The following EBNA1BP2 variants were observed in gnomAD, a reference collection of about 807,000 sequenced individuals.
The protein encoded by EBNA1BP2 is EBNA1 binding protein 2, also known as probable rRNA-processing protein EBP2.
Under a neutral mutation model 43.5 loss-of-function variants are expected in EBNA1BP2, and 36 were observed. That is an observed-to-expected ratio of 0.83 (90% confidence interval 0.63 to 1.09). The LOEUF (loss-of-function observed/expected upper bound fraction) is 1.09. Among genes scored for constraint, EBNA1BP2 ranks in the 50% least tolerant of loss-of-function variants. The pLI is 0.00. For synonymous variants in EBNA1BP2, 127 were observed against 141.3 expected, an observed-to-expected ratio of 0.90 and a Z score of 0.72; for missense variants, 332 against 379.1, an observed-to-expected ratio of 0.88 and a Z score of 1.03.
chr1:43,164,550 G>A, intron 8 of EBNA1BP2, 57 bp from the exon 9 acceptor site: 1 of 1,614,036 alleles, frequency 6.2e-7, no homozygotes. Context: ...CTGCCCCAGG[G>A]TGAGGACGAA....
chr1:43,164,768 C>A lies in EBNA1BP2; in HGVS notation c.745G>T (p.Gly249Cys), dbSNP rs777466628. 3 of 1,614,120 alleles carry A rather than the reference C, an allele frequency of 1.9e-6. No individual in the cohort carries two copies. Among genetic ancestry groups the A allele is most frequent in the Admixed American group, 1.7e-5 (1 of 60,010 alleles). Residue 249 changes from glycine to cysteine, a missense_variant, in exon 8 of 9, where the codon GGT (glycine) becomes TGT (cysteine). Gly to Cys is a radical substitution (Grantham distance 159, BLOSUM62 -3). Coordinates refer to ENST00000236051, the MANE Select transcript of EBNA1BP2 (RefSeq NM_006824.3). ...AKRRYKNQKF[G>C]FGGKKKGSKW... ...GAGCCTTTCTTCTTTCCACCAAAAC[C>A]AAACTTCTGGTTTTTATACCGTCGT...
At chr1:43,166,704 A>C in intron 7 of EBNA1BP2, 122 bp downstream of exon 7, 7 of 938,904 alleles carry the variant, frequency 7.5e-6, no homozygotes, top group Non-Finnish European at 9.7e-6. Flanking sequence ...GGCCCCAGGC[A>C]GCAGCTGCAC....
chr1:43,170,636 T>A, intron 4 of EBNA1BP2, 120 bp downstream of exon 4: 1 of 1,396,974 alleles, frequency 7.2e-7, no homozygotes, highest in Non-Finnish European at 9.6e-7. Flanking sequence ...ATGGAAGAGG[T>A]AATAATTGTC....
At chr1:43,168,807 C>T in intron 5 of EBNA1BP2, 132 bp downstream of exon 5, 1 of 934,184 alleles carries the variant, frequency 1.1e-6, no homozygotes, top group Non-Finnish European at 1.7e-6. Context: ...AATACCAGCA[C>T]ATACACTGAG....
chr1:43,171,505 T>C lies in EBNA1BP2; in HGVS notation c.297A>G (p.Glu99=), dbSNP rs1236165652. ...QNKDQKAVDP[E]DDFQREMSFY... ...AACTCATCTCTCGCTGGAAGTCGTC[T>C]TCTGGATCAACAGCTTTCTGGTCCT... The change falls in exon 3 of 9, where the codon GAA becomes GAG. Residue 99 remains glutamate, a synonymous_variant. Coordinates refer to ENST00000236051, the MANE Select transcript of EBNA1BP2 (RefSeq NM_006824.3). 1.9e-6 allele frequency: 3 copies of C among 1,610,720 alleles called. No homozygotes were observed. The highest frequency in any genetic ancestry group is 2.2e-5 in the East Asian group (1 of 44,862).
chr1:43,169,159 CCT>C (rs1644936991), intron 4 of EBNA1BP2, 131 bp from the exon 5 acceptor site: 4 of 964,536 alleles, frequency 4.1e-6, no homozygotes, highest in Middle Eastern at 2.2e-4. Flanking sequence ...AGTTCCAACC[CCT>C]GAGGACAATG....
At position 43,170,815 on chromosome 1, in the gene EBNA1BP2, T is replaced by C. The variant is rs1401855450; in HGVS notation, c.388A>G (p.Thr130Ala). 1.2e-6 allele frequency: 2 copies of C among 1,607,070 alleles called. No individual in the cohort carries two copies. The highest frequency in any genetic ancestry group is 4.5e-5 in the East Asian group (2 of 44,362). Residue 130 changes from threonine (T) to alanine (A), a missense_variant, in exon 4 of 9, where the codon ACG becomes GCG. This residue lies in a region of EBNA1BP2 where 182 missense variants were observed against 173.7 expected (regional missense o/e 1.05). Transcript: ENST00000236051. ...GCAAAATAATCAGTGGGTCGCTTCG[T>C]AGGGACTTTGAGCTGATGGAGGCGG... is the stretch of plus-strand genomic sequence containing the variant. Reference protein sequence around the residue: ...LPRLHQLKVPTKRPTDYFAEM... With the variant: ...LPRLHQLKVPAKRPTDYFAEM...
intron 7 of EBNA1BP2, among the ~76,000 whole-genome samples, chr1:43,166,333 G>A (rs1038851511): frequency 6.6e-6 from 1 of 152,188 alleles, no homozygotes; most frequent in Non-Finnish European, 1.5e-5. Flanking sequence ...CTTAGGATGG[G>A]TGCAGTGGTT....
chr1:43,171,995 C>G, intron 1 of EBNA1BP2, 26 bp from the exon 2 acceptor site: 1 of 1,614,152 alleles, frequency 6.2e-7, no homozygotes, highest in Non-Finnish European at 8.5e-7. Context: ...ACGGTCACTC[C>G]CAGGGGTGTA....
In EBNA1BP2 at chr1:43,164,388, T is replaced by G; in HGVS notation, c.*55A>C. 1.2e-6 allele frequency: 2 copies of G among 1,606,152 alleles called. No individual in the cohort carries two copies. Among genetic ancestry groups the G allele is most frequent in the Non-Finnish European group, 1.7e-6 (2 of 1,172,820 alleles). On this transcript the variant is annotated 3_prime_UTR_variant, in exon 9 of 9. Coordinates refer to ENST00000236051, the MANE Select transcript of EBNA1BP2 (RefSeq NM_006824.3). ...CAACAGAAGGGATCAAAGTGTGTCG[T>G]GAAATTGCGAGTCTTCATTCCTTTT...
In EBNA1BP2 at chr1:43,172,283, T is replaced by A. The variant is rs940912373; in HGVS notation, c.-165A>T. 1 of 1,552,396 alleles carries A rather than the reference T, an allele frequency of 6.4e-7. No homozygotes were observed. ...CGCTCCAGCGCCAGCAACTCACAGC[T>A]ACTGCTCAACTTTTGATTGGGACTT... On this transcript the variant is annotated 5_prime_UTR_variant, in exon 1 of 9. Coordinates refer to ENST00000236051, the MANE Select transcript of EBNA1BP2 (RefSeq NM_006824.3).
chr1:43,172,298 G>C (rs773438459), upstream of EBNA1BP2: 27 of 1,551,940 alleles, frequency 1.7e-5, no homozygotes, highest in Non-Finnish European at 2.4e-5. Context: ...CTCAACTTTT[G>C]ATTGGGACTT....
intron 2 of EBNA1BP2, 54 bp downstream of exon 2, chr1:43,171,832 G>A: frequency 6.2e-7 from 1 of 1,603,300 alleles, no homozygotes; most frequent in Non-Finnish European, 8.5e-7. Flanking sequence ...AAGCCCAACA[G>A]CGCCTGAAGC....
Position 43,164,312 on chromosome 1 carries a change from C to T in EBNA1BP2, c.*131G>A. 2 of 1,064,724 alleles carry T rather than the reference C, an allele frequency of 1.9e-6. No homozygotes were observed. The highest frequency in any genetic ancestry group is 1.5e-5 in the South Asian group (1 of 66,842). The allele number at this position is 1,064,724 out of a possible 1,614,324, so 66.0% of individuals were successfully genotyped here. A position where few individuals can be genotyped will look rare whatever the true frequency, so the allele number is the denominator to read the frequency against. ...ACTATTTAACCAAAGGTATGTGTTC[C>T]TTTAATAATTTTTCTTTAGTTTATT... On this transcript the variant is annotated 3_prime_UTR_variant, in exon 9 of 9. Coordinates refer to ENST00000236051, the MANE Select transcript of EBNA1BP2 (RefSeq NM_006824.3).
intron 7 of EBNA1BP2, 48 bp from the exon 8 acceptor site, chr1:43,164,853 T>A (rs186044867): frequency 6.3e-7 from 1 of 1,599,944 alleles, no homozygotes; most frequent in East Asian, 2.2e-5. Flanking sequence ...TAAAGCCTGA[T>A]GAACCTGATG....
chr1:43,164,557 C>T (rs904463829), intron 8 of EBNA1BP2, 64 bp from the exon 9 acceptor site: 31 of 1,613,882 alleles, frequency 1.9e-5, no homozygotes, highest in African/African-American at 1.5e-4. Context: ...AGGGTGAGGA[C>T]GAACAGAACT....
In EBNA1BP2 at chr1:43,171,930, G is replaced by A. The variant is rs761003691; in HGVS notation, c.106C>T (p.Leu36Phe). Reference sequence around the variant, plus strand: ...TTCGGCCCCTCTAGCACGACATTGAGGCCTGGCTTCAGAAGCCCTCGGGAA... The same window carrying A: ...TTCGGCCCCTCTAGCACGACATTGAAGCCTGGCTTCAGAAGCCCTCGGGAA... The part of the protein sequence containing the change: ...AFSRGLLKPG[L>F]NVVLEGPKKA... The change falls in exon 2 of 9, where the codon CTC becomes TTC. Residue 36 changes from leucine to phenylalanine, a missense_variant. Around this residue, in one of 3 missense-constraint regions of EBNA1BP2, gnomAD observed 182 missense variants for 173.7 expected, o/e 1.05. Coordinates refer to ENST00000236051, the MANE Select transcript of EBNA1BP2 (RefSeq NM_006824.3). The A allele has an allele frequency of 6.2e-7, 1 of 1,614,132 alleles. No homozygotes were observed. Among genetic ancestry groups the A allele is most frequent in the South Asian group, 1.1e-5 (1 of 91,080 alleles).
chr1:43,172,316 C>T (rs774160507), upstream of EBNA1BP2: 116 of 1,551,632 alleles, frequency 7.5e-5, no homozygotes, highest in South Asian at 1.4e-3. Flanking sequence ...CTTCCGCTTC[C>T]GGCGGCAAAC....
chr1:43,169,011 C>G lies in EBNA1BP2; in HGVS notation c.465G>C (p.Gln155His). Residue 155 changes from glutamine to histidine, a missense_variant, in exon 5 of 9, where the codon CAG (glutamine) becomes CAC (histidine). This residue lies in a region of EBNA1BP2 where 91 missense variants were observed against 152.1 expected (regional missense o/e 0.60). Coordinates refer to ENST00000236051, the MANE Select transcript of EBNA1BP2 (RefSeq NM_006824.3). ...LQMQKIRQKLQTKQAAMERSE... is the reference protein window; with the variant it reads ...LQMQKIRQKLHTKQAAMERSE... ...ACCTCTCCATGGCAGCCTGTTTAGT[C>G]TGCAGCTTCTGTCGAATCTACAACA... 1 of 1,614,110 alleles carries G rather than the reference C, an allele frequency of 6.2e-7. No homozygotes were observed. The highest frequency in any genetic ancestry group is 8.5e-7 in the Non-Finnish European group (1 of 1,180,020).
Sources: gnomAD v4.1 joint callset for allele counts (sites outside exome capture counted in the v4.1 genomes callset) on GRCh38, gnomAD v4.1.1 for gene constraint, gnomAD v4.1.1 regional missense constraint, MANE v1.5 for transcripts, NCBI Gene and HGNC (gene_info 2026-07-23, HGNC 2026-07-21) for gene names.